The following ZNF41 variants were observed in gnomAD, a reference collection of about 807,000 sequenced individuals.
ZNF41 encodes the protein zinc finger protein 41.
Under a neutral mutation model 9.3 loss-of-function variants are expected in ZNF41, and 6 were observed. The ratio of observed to expected loss-of-function variants is 0.65; its 90% CI spans 0.35 to 1.28. The LOEUF (loss-of-function observed/expected upper bound fraction) is 1.28, where lower values mean the gene tolerates loss of function less well. Among genes scored for constraint, ZNF41 ranks in the 50% most tolerant of loss-of-function variants. ZNF41 has a pLI of 0.03. For missense variants in ZNF41, 523 were observed against 585.8 expected, an observed-to-expected ratio of 0.89 and a Z score of 1.11; for synonymous variants, 192 against 207.1, an observed-to-expected ratio of 0.93 and a Z score of 0.63.
chrX:47,455,901 T>C lies in ZNF41; in HGVS notation c.295+20A>G. The C allele has an allele frequency of 8.4e-7, 1 of 1,192,698 alleles. No homozygotes were observed. The highest frequency in any genetic ancestry group is 1.1e-6 in the Non-Finnish European group (1 of 878,040). ...ATACTGACTTCCATGTCCCCATCTG[T>C]CTGGGTCATGCTCACTCACCTGAAC... On this transcript the variant is annotated intron_variant, in intron 4 of 4. Coordinates refer to ENST00000684689, the MANE Select transcript of ZNF41 (RefSeq NM_001324144.2).
chrX:47,473,671 T>C (rs992865504), intron 1 of ZNF41, among the ~76,000 whole-genome samples: 3 of 112,223 alleles, frequency 2.7e-5, no homozygotes, highest in African/African-American at 9.7e-5. Flanking sequence ...GGCATAGATA[T>C]TATCTTCTTT....
chrX:47,453,591 G>C (rs1490852314), intron 4 of ZNF41, among the ~76,000 whole-genome samples: 2 of 112,218 alleles, frequency 1.8e-5, no homozygotes, highest in Non-Finnish European at 3.8e-5. Flanking sequence ...TTCTTTGAAA[G>C]AAGAGTTTAA....
rs774470182 is a variant in ZNF41, at chrX:47,469,777, G to C, written c.-279-2017C>G. Among the ~76,000 whole-genome samples the C allele has an allele frequency of 2.2e-3, 242 of 110,851 alleles. 1 individual carries two copies. Among genetic ancestry groups the C allele is most frequent in the Non-Finnish European group, 3.5e-3 (184 of 52,628 alleles). ...CCCAGCTACTTGGGAGGCTGAGGCAGGAGAATCGCTTGAACCTGGGAGGCG... is the reference window on the plus strand; with the variant it reads ...CCCAGCTACTTGGGAGGCTGAGGCACGAGAATCGCTTGAACCTGGGAGGCG... On this transcript the variant is annotated intron_variant, in intron 1 of 4. Transcript: ENST00000684689.
intron 2 of ZNF41, among the ~76,000 whole-genome samples, chrX:47,464,252 C>T (rs894857587): frequency 1.8e-5 from 2 of 111,368 alleles, no homozygotes; most frequent in African/African-American, 3.3e-5. Context: ...CAGCGTCTGA[C>T]TCATGTCCTG....
Position 47,478,451 on chromosome X carries a change from G to C in ZNF41, c.-280+4644C>G, listed in dbSNP as rs987033139. On this transcript the variant is annotated intron_variant, in intron 1 of 4. Transcript: ENST00000684689. The stretch of plus-strand genomic sequence containing the variant: ...GAACCTGGGAGGTGGAGGTTGCAGT[G>C]AGCCGAGATCATGCCACTGCACTCC... Among the ~76,000 whole-genome samples, 3 of 110,537 alleles carry C rather than the reference G, an allele frequency of 2.7e-5. No individual in the cohort carries two copies. The Admixed American group carries it at 2.9e-4, about 11-fold the overall frequency.
intron 2 of ZNF41, among the ~76,000 whole-genome samples, chrX:47,457,766 G>A (rs1204928835): frequency 8.9e-6 from 1 of 112,345 alleles, no homozygotes; most frequent in Non-Finnish European, 1.9e-5. Context: ...GAACTCAGGA[G>A]GCGGAGGTTG....
rs1156628352 is a variant in ZNF41, at chrX:47,467,779, C to T, written c.-279-19G>A. On this transcript the variant is annotated intron_variant, in intron 1 of 4. Coordinates refer to ENST00000684689, the MANE Select transcript of ZNF41 (RefSeq NM_001324144.2). ...CTGGATGCTGCGGAAGAGAAAAGTT[C>T]GGTAAAACCCACACCAAGTATTAAA... 6 of 350,423 alleles carry T rather than the reference C, an allele frequency of 1.7e-5. No homozygotes were observed. Among genetic ancestry groups the T allele is most frequent in the South Asian group, 5.1e-5 (1 of 19,635 alleles). The allele number at this position is 350,423 out of a possible 1,213,427, so 28.9% of individuals were successfully genotyped here. A position where few individuals can be genotyped will look rare whatever the true frequency, so the allele number is the denominator to read the frequency against.
intron 2 of ZNF41, among the ~76,000 whole-genome samples, chrX:47,457,618 C>T (rs1159203669): frequency 1.8e-5 from 2 of 111,832 alleles, no homozygotes; most frequent in Non-Finnish European, 3.8e-5. Flanking sequence ...GCAGGCGGAT[C>T]ACCTGAGGTC....
intron 4 of ZNF41, among the ~76,000 whole-genome samples, chrX:47,450,260 G>T (rs779018362): frequency 2.7e-5 from 3 of 110,857 alleles, no homozygotes; most frequent in Non-Finnish European, 5.7e-5. Flanking sequence ...ACCCAGGCTG[G>T]AGTGCGGTGG....
intron 4 of ZNF41, among the ~76,000 whole-genome samples, chrX:47,453,289 C>T (rs750707923): frequency 4.5e-5 from 5 of 111,448 alleles, no homozygotes; most frequent in Admixed American, 3.8e-4. Context: ...CCTCAGTTAC[C>T]CTATACACTA....
chrX:47,478,898 C>A (rs1031734000), intron 1 of ZNF41, among the ~76,000 whole-genome samples: 11 of 111,279 alleles, frequency 9.9e-5, no homozygotes, highest in African/African-American at 3.3e-4. Context: ...CCGGCCACTG[C>A]ACTCCAGCCT....
chrX:47,448,657 A>G lies in ZNF41; in HGVS notation c.1113T>C (p.Phe371=). Residue 371 remains phenylalanine (F), a synonymous_variant, in exon 5 of 5, where the codon TTT becomes TTC. Coordinates refer to ENST00000684689, the MANE Select transcript of ZNF41 (RefSeq NM_001324144.2). ...CTCCTGTATGAATTCTCAGATGTCT[A>G]AAGAGGTCTGATCTCTGGAAAAAGG... ...GKAFFQRSDL[F]RHLRIHTGEK... 8.3e-7 allele frequency: 1 copy of G among 1,211,731 alleles called. No homozygotes were observed. The highest frequency in any genetic ancestry group is 1.1e-6 in the Non-Finnish European group (1 of 895,489).
chrX:47,456,330 G>C lies in ZNF41; in HGVS notation c.141C>G (p.Ala47=), dbSNP rs1191268197. ...TCACATCCCAGTACAGGCGTCTCTG[G>C]GCAGGGTCCAAGTGCTGCCACTCCT... ...SKEEWQHLDP[A]QRRLYWDVTL... Residue 47 remains alanine, a synonymous_variant, in exon 3 of 5, where the codon GCC becomes GCG. Coordinates refer to ENST00000684689, the MANE Select transcript of ZNF41 (RefSeq NM_001324144.2). 8.3e-7 allele frequency: 1 copy of C among 1,211,273 alleles called. No homozygotes were observed.
At chrX:47,466,534 C>CT (rs11379623) in intron 2 of ZNF41, among the ~76,000 whole-genome samples, 28,786 of 103,284 alleles carry the variant, frequency 0.28, 3,194 homozygotes, top group South Asian at 0.38. Flanking sequence ...TTTTATTCAT[C>CT]TTTTTTTTTT....
chrX:47,481,691 T>A (rs1367962781), intron 1 of ZNF41, among the ~76,000 whole-genome samples: 2 of 111,808 alleles, frequency 1.8e-5, no homozygotes, highest in Non-Finnish European at 3.8e-5. Context: ...ACAAAACATG[T>A]GACACGGAGC....
At chrX:47,456,596 T>G (rs928538991) in intron 2 of ZNF41, among the ~76,000 whole-genome samples, 198 bp from the exon 3 acceptor site, 1 of 112,708 alleles carries the variant, frequency 8.9e-6, no homozygotes, top group African/African-American at 3.2e-5. Context: ...ACTACATTAA[T>G]TCATTTATTC....
chrX:47,481,485 C>T (rs753735198), intron 1 of ZNF41, among the ~76,000 whole-genome samples: 1 of 111,090 alleles, frequency 9.0e-6, no homozygotes, highest in South Asian at 3.8e-4. Context: ...CCCGTGTCTA[C>T]ACAAAATAAA....
intron 1 of ZNF41, among the ~76,000 whole-genome samples, chrX:47,469,528 A>G (rs778432267): frequency 9.0e-6 from 1 of 110,746 alleles, no homozygotes; most frequent in African/African-American, 3.3e-5. Context: ...ATAAAGAAAA[A>G]CAATGTAATT....
chrX:47,454,966 C>A (rs769741019), intron 4 of ZNF41, among the ~76,000 whole-genome samples: 2 of 111,487 alleles, frequency 1.8e-5, no homozygotes, highest in East Asian at 2.8e-4. Context: ...AAAGACCTGG[C>A]CAGGCGCGGT....
Sources: allele counts gnomAD v4.1 joint callset (sites outside exome capture counted in the v4.1 genomes callset), GRCh38; gene constraint gnomAD v4.1.1; transcripts MANE v1.5; gene names NCBI Gene and HGNC (gene_info 2026-07-23, HGNC 2026-07-21).